GALNT18: variants seen among roughly 807,000 people sequenced by gnomAD.
GALNT18 encodes GalNAc-transferase 18.
In GALNT18, 44 loss-of-function variants were observed where a neutral mutation model predicts 69.5. The observed-to-expected ratio is 0.63, with a 90% CI of 0.50 to 0.81. GALNT18 has a LOEUF of 0.81. Among genes scored for constraint, GALNT18 ranks in the 40% least tolerant of loss-of-function variants. The pLI is 0.00. For missense variants in GALNT18, 715 were observed against 810.0 expected (o/e 0.88, Z 1.42); for synonymous variants, 364 against 318.2 (o/e 1.14, Z -1.53).
In GALNT18 at chr11:11,461,989, GTTTC is replaced by G. The variant is rs1339783080; in HGVS notation, c.236-13057_236-13054del. Reference sequence around the variant, plus strand: ...CTCCCAGGAAGCCTGCCTGTTTCCAGTTTCTTTCTTCTGGTCTTAAAGGGAAGCG... The same window carrying G: ...CTCCCAGGAAGCCTGCCTGTTTCCAGTTTCTTCTGGTCTTAAAGGGAAGCG... On this transcript the variant is annotated intron_variant, in intron 1 of 10. Coordinates refer to ENST00000227756, the MANE Select transcript of GALNT18 (RefSeq NM_198516.3). The surrounding 1 kb of genome is among the most constrained non-coding windows in gnomAD (Gnocchi z 4.1). Among the ~76,000 whole-genome samples the G allele has an allele frequency of 6.6e-6, 1 of 152,234 alleles. No individual in the cohort carries two copies. The highest frequency in any genetic ancestry group is 1.5e-5 in the Non-Finnish European group (1 of 68,044).
chr11:11,315,489 C>T lies in GALNT18; in HGVS notation c.1512+11597G>A, dbSNP rs1454401594. On this transcript the variant is annotated intron_variant, in intron 9 of 10. Transcript: ENST00000227756. This position sits in a 1 kb window ranked among gnomAD's most constrained non-coding sequence, Gnocchi z 5.6. ...GGCTGCTGGAATGAAGGGAGCCACC[C>T]CAGCCCAGAGACTCTGGAGTGGGGA... is the stretch of plus-strand genomic sequence containing the variant. Among the ~76,000 whole-genome samples the T allele has an allele frequency of 6.6e-6, 1 of 152,176 alleles. No homozygotes were observed. The highest frequency in any genetic ancestry group is 2.4e-5 in the African/African-American group (1 of 41,444).
rs565250450 is a variant in GALNT18, at chr11:11,495,367, C to T, written c.236-46431G>A. Among the ~76,000 whole-genome samples the T allele has an allele frequency of 9.9e-5, 15 of 152,224 alleles. 1 individual carries two copies. The highest frequency in any genetic ancestry group is 4.1e-4 in the South Asian group (2 of 4,822). On this transcript the variant is annotated intron_variant, in intron 1 of 10. Transcript: ENST00000227756. Reference sequence around the variant, plus strand: ...TGAATCTCCAAGAGGGGGTTGGGTACGCAAACTTCCCCCAAAATGAATTGA... The same window carrying T: ...TGAATCTCCAAGAGGGGGTTGGGTATGCAAACTTCCCCCAAAATGAATTGA...
chr11:11,358,199 G>C lies in GALNT18; in HGVS notation c.1092+14316C>G, dbSNP rs1850570499. 1.4e-5 allele frequency among the ~76,000 whole-genome samples: 2 copies of C among 140,242 alleles called. 1 individual carries two copies. Among genetic ancestry groups the C allele is most frequent in the Non-Finnish European group, 3.2e-5 (2 of 62,750 alleles). The allele number at this position is 140,242 out of a possible 152,430, so 92.0% of individuals were successfully genotyped here. A position where few individuals can be genotyped will look rare whatever the true frequency, so the allele number is the denominator to read the frequency against. On this transcript the variant is annotated intron_variant, in intron 6 of 10. Coordinates refer to ENST00000227756, the MANE Select transcript of GALNT18 (RefSeq NM_198516.3). ...TCTTTCTTTTTACCTTAGTTTTATA[G>C]TTTTGGCTTTCTGTTGAATCCAGGT...
chr11:11,392,592 C>G, intron 3 of GALNT18, among the ~76,000 whole-genome samples: 1 of 152,092 alleles, frequency 6.6e-6, no homozygotes, highest in Admixed American at 6.5e-5. Flanking sequence ...ACACTCTAGC[C>G]TGGGCGACAA....
chr11:11,415,110 T>A lies in GALNT18; in HGVS notation c.595+17511A>T, dbSNP rs1854824052. On this transcript the variant is annotated intron_variant, in intron 3 of 10. Coordinates refer to ENST00000227756, the MANE Select transcript of GALNT18 (RefSeq NM_198516.3). This position sits in a 1 kb window ranked among gnomAD's most constrained non-coding sequence, Gnocchi z 4.1. ...CTTGCCGCATGGACAGTTCACAGCA[T>A]GGGTCTCTTCTCAGGCCACCAGAGT... 6.6e-6 allele frequency among the ~76,000 whole-genome samples: 1 copy of A among 152,210 alleles called. No individual in the cohort carries two copies. The highest frequency in any genetic ancestry group is 2.4e-5 in the African/African-American group (1 of 41,448).
intron 1 of GALNT18, among the ~76,000 whole-genome samples, chr11:11,491,038 A>G (rs1456890567): frequency 6.6e-6 from 1 of 152,204 alleles, no homozygotes; most frequent in Non-Finnish European, 1.5e-5. Flanking sequence ...ACAGCCACAG[A>G]GGCCAGATCT....
At chr11:11,399,222 G>C (rs1854403968) in intron 3 of GALNT18, among the ~76,000 whole-genome samples, 1 of 152,102 alleles carries the variant, frequency 6.6e-6, no homozygotes, top group Non-Finnish European at 1.5e-5. Flanking sequence ...CTGCAACAGG[G>C]AAGAGGACCC....
At position 11,358,861 on chromosome 11, in the gene GALNT18, ACG is replaced by A. The variant is rs1491382639; in HGVS notation, c.1092+13652_1092+13653del. On this transcript the variant is annotated intron_variant, in intron 6 of 10. Coordinates refer to ENST00000227756, the MANE Select transcript of GALNT18 (RefSeq NM_198516.3). ...CACACACACACACACACACACACAC[ACG>A]CACAGACATGTTATCCCAAGCTCTC... 4.4e-5 allele frequency among the ~76,000 whole-genome samples: 6 copies of A among 137,070 alleles called. 1 individual carries two copies. Among genetic ancestry groups the A allele is most frequent in the Non-Finnish European group, 6.5e-5 (4 of 61,338 alleles). 89.9% of individuals were successfully genotyped at this position (137,070 alleles called of 152,430 possible). A position where few individuals can be genotyped will look rare whatever the true frequency, so the allele number is the denominator to read the frequency against.
chr11:11,599,287 C>A (rs1293759286), intron 1 of GALNT18, among the ~76,000 whole-genome samples: 4 of 152,042 alleles, frequency 2.6e-5, no homozygotes, highest in Non-Finnish European at 5.9e-5. Context: ...GGTTAAGGTG[C>A]ATATGTGTTT....
rs1409390002 is a variant in GALNT18 at position 11,616,511 on chromosome 11, A to G, written c.235+4848T>C. Among the ~76,000 whole-genome samples the G allele has an allele frequency of 1.3e-5, 2 of 152,378 alleles. No homozygotes were observed. The highest frequency in any genetic ancestry group is 1.9e-4 in the East Asian group (1 of 5,196). On this transcript the variant is annotated intron_variant, in intron 1 of 10. Transcript: ENST00000227756. The surrounding 1 kb of genome is among the most constrained non-coding windows in gnomAD (Gnocchi z 4.4). ...GAAGATGTTCATTTCTGCTCTAATT[A>G]TAATAGCAAAACAAATGTCCAATAA...
At chr11:11,458,633 A>C (rs1405154348) in intron 1 of GALNT18, among the ~76,000 whole-genome samples, 2 of 152,244 alleles carry the variant, frequency 1.3e-5, no homozygotes, top group Non-Finnish European at 2.9e-5. Context: ...ATCAAAGCCC[A>C]GTTCACCCGA....
intron 9 of GALNT18, among the ~76,000 whole-genome samples, chr11:11,311,182 T>A (rs1020686736): frequency 2.0e-4 from 30 of 152,280 alleles, no homozygotes; most frequent in African/African-American, 7.2e-4. Context: ...AAGTTGGTGA[T>A]ACCCTACTAA....
At chr11:11,342,037 A>G (rs1286422991) in intron 6 of GALNT18, among the ~76,000 whole-genome samples, 1 of 151,912 alleles carries the variant, frequency 6.6e-6, no homozygotes, top group African/African-American at 2.4e-5. Context: ...CGATATTCAG[A>G]GTAGAGCCAA....
intron 10 of GALNT18, among the ~76,000 whole-genome samples, chr11:11,278,125 T>G (rs1848987632): frequency 6.6e-6 from 1 of 152,118 alleles, no homozygotes. Context: ...ACTATTATTG[T>G]GTGGGGGTCT....
At position 11,573,204 on chromosome 11, in the gene GALNT18, G is replaced by A. The variant is rs1014396570; in HGVS notation, c.235+48155C>T. Reference sequence around the variant, plus strand: ...CATGTTCATGTTCATTATGGTGGGCGGCCTTGACTCATACTTGACATGGAT... The same window carrying A: ...CATGTTCATGTTCATTATGGTGGGCAGCCTTGACTCATACTTGACATGGAT... On this transcript the variant is annotated intron_variant, in intron 1 of 10. Coordinates refer to ENST00000227756, the MANE Select transcript of GALNT18 (RefSeq NM_198516.3). This position sits in a 1 kb window ranked among gnomAD's most constrained non-coding sequence, Gnocchi z 4.6. 1.3e-5 allele frequency among the ~76,000 whole-genome samples: 2 copies of A among 152,132 alleles called. No homozygotes were observed. The highest frequency in any genetic ancestry group is 2.1e-4 in the South Asian group (1 of 4,828).
intron 9 of GALNT18, among the ~76,000 whole-genome samples, chr11:11,319,689 G>T: frequency 6.6e-6 from 1 of 152,228 alleles, no homozygotes; most frequent in East Asian, 1.9e-4. Context: ...ATGGCTCAGT[G>T]CTGATGACGG....
At chr11:11,549,807 A>C (rs2133967397) in intron 1 of GALNT18, among the ~76,000 whole-genome samples, 1 of 152,332 alleles carries the variant, frequency 6.6e-6, no homozygotes, top group African/African-American at 2.4e-5. Flanking sequence ...GGAGAACCTA[A>C]CCCACACAAA....
At position 11,365,860 on chromosome 11, in the gene GALNT18, C is replaced by T. The variant is rs1265921347; in HGVS notation, c.1092+6655G>A. 2.3e-4 allele frequency among the ~76,000 whole-genome samples: 35 copies of T among 152,198 alleles called. 1 individual carries two copies. Among genetic ancestry groups the T allele is most frequent in the Admixed American group, 2.3e-3 (35 of 15,280 alleles). On this transcript the variant is annotated intron_variant, in intron 6 of 10. Transcript: ENST00000227756. The stretch of plus-strand genomic sequence containing the variant: ...CAAACTCCATTTCCCATAAGAGGAA[C>T]TCTGTCATGTGTAATTCTTGGAACT...
At position 11,564,350 on chromosome 11, in the gene GALNT18, G is replaced by A. The variant is rs1303225936; in HGVS notation, c.235+57009C>T. On this transcript the variant is annotated intron_variant, in intron 1 of 10. Coordinates refer to ENST00000227756, the MANE Select transcript of GALNT18 (RefSeq NM_198516.3). This position sits in a 1 kb window ranked among gnomAD's most constrained non-coding sequence, Gnocchi z 4.3. ...ATCCCTGGGAGTCTACATTCTGCTG[G>A]CAACTCCAGCTGAGAACCCAAATCC... Among the ~76,000 whole-genome samples, 3 of 152,110 alleles carry A rather than the reference G, an allele frequency of 2.0e-5. No homozygotes were observed. The highest frequency in any genetic ancestry group is 4.4e-5 in the Non-Finnish European group (3 of 68,028).
Sources: allele counts gnomAD v4.1 joint callset (sites outside exome capture counted in the v4.1 genomes callset), GRCh38; gene constraint gnomAD v4.1.1; non-coding constraint Gnocchi (gnomAD v3.1); transcripts MANE v1.5; gene names NCBI Gene and HGNC (gene_info 2026-07-23, HGNC 2026-07-21).